Variants in FANCC observed in about 807,000 individuals in gnomAD.
FANCC encodes Fanconi anemia group C protein.
In FANCC, 55 loss-of-function variants were observed where a neutral mutation model predicts 71.3. That is an observed-to-expected ratio of 0.77 (90% CI 0.62 to 0.97). The LOEUF is 0.97. FANCC is among the 50% of genes least tolerant of loss of function. FANCC has a pLI of 0.00. For synonymous variants in FANCC, 275 were observed against 244.9 expected, an observed-to-expected ratio of 1.12 and a Z score of -1.15; for missense variants, 678 against 670.9, an observed-to-expected ratio of 1.01 and a Z score of -0.12.
At chr9:95,247,262 T>C (rs1044076083) in intron 3 of FANCC, among the ~76,000 whole-genome samples, 170 bp downstream of exon 3, 33 of 151,264 alleles carry the variant, frequency 2.2e-4, no homozygotes, top group Non-Finnish European at 5.9e-5. Flanking sequence ...TACACACACA[T>C]ACATGGACAA....
At chr9:95,135,666 T>C in intron 7 of FANCC, 164 bp from the exon 8 acceptor site, 1 of 633,538 alleles carries the variant, frequency 1.6e-6, no homozygotes, top group Non-Finnish European at 2.8e-6. Flanking sequence ...TACCAAGTGC[T>C]CATTTGCAAA....
At chr9:95,119,904 G>A (rs1030604029) in intron 10 of FANCC, among the ~76,000 whole-genome samples, 7 of 152,124 alleles carry the variant, frequency 4.6e-5, no homozygotes, top group Non-Finnish European at 8.8e-5. Flanking sequence ...TAGAAAAGGG[G>A]TCTTACTTTG....
chr9:95,254,905 C>T (rs1033112454), intron 1 of FANCC, among the ~76,000 whole-genome samples: 1 of 152,100 alleles, frequency 6.6e-6, no homozygotes, highest in Admixed American at 6.5e-5. Context: ...GGGGCGTCCC[C>T]CATTACTGAG....
chr9:95,204,364 A>C (rs1827987679), intron 4 of FANCC, among the ~76,000 whole-genome samples: 1 of 152,226 alleles, frequency 6.6e-6, no homozygotes, highest in Non-Finnish European at 1.5e-5. Context: ...TTAATTAGGC[A>C]TTGGTAACTG....
intron 7 of FANCC, among the ~76,000 whole-genome samples, chr9:95,136,500 A>G (rs1055875213): frequency 6.6e-5 from 10 of 152,212 alleles, no homozygotes; most frequent in African/African-American, 2.4e-4. Context: ...TTAAAAAAAA[A>G]AAAAGATGCA....
intron 1 of FANCC, among the ~76,000 whole-genome samples, chr9:95,273,486 A>C (rs1832854914): frequency 6.6e-6 from 1 of 152,236 alleles, no homozygotes; most frequent in Non-Finnish European, 1.5e-5. Flanking sequence ...GAAAAGGTTT[A>C]GCTGGTCCAA....
At chr9:95,287,430 A>T (rs906332180) in intron 1 of FANCC, among the ~76,000 whole-genome samples, 1 of 152,102 alleles carries the variant, frequency 6.6e-6, no homozygotes, top group Non-Finnish European at 1.5e-5. Context: ...TCTCTATCCA[A>T]CATCATCCAT....
At chr9:95,303,489 A>G (rs1834879571) in intron 1 of FANCC, among the ~76,000 whole-genome samples, 1 of 152,246 alleles carries the variant, frequency 6.6e-6, no homozygotes. Context: ...TTAGGCTGCC[A>G]TAACAAAATA....
At chr9:95,176,853 C>T (rs886512471) in intron 4 of FANCC, among the ~76,000 whole-genome samples, 3 of 152,172 alleles carry the variant, frequency 2.0e-5, no homozygotes, top group Admixed American at 2.0e-4. Flanking sequence ...TAAACAAAAC[C>T]ATGCCCAGGC....
chr9:95,271,800 C>A (rs1249686301), intron 1 of FANCC, among the ~76,000 whole-genome samples: 1 of 151,742 alleles, frequency 6.6e-6, no homozygotes, highest in Non-Finnish European at 1.5e-5. Flanking sequence ...TGTCAAAATC[C>A]CCAATGAAAA....
chr9:95,280,326 G>T (rs1407208312), intron 1 of FANCC, among the ~76,000 whole-genome samples: 1 of 152,034 alleles, frequency 6.6e-6, no homozygotes, highest in Non-Finnish European at 1.5e-5. Flanking sequence ...AATATTAATC[G>T]CTGGAGACTT....
chr9:95,128,186 G>A (rs969840138), intron 8 of FANCC, among the ~76,000 whole-genome samples: 1 of 152,114 alleles, frequency 6.6e-6, no homozygotes, highest in Non-Finnish European at 1.5e-5. Flanking sequence ...CCGGATATAA[G>A]CACGGAAAAT....
intron 4 of FANCC, among the ~76,000 whole-genome samples, chr9:95,238,730 T>C (rs1318396834): frequency 1.3e-5 from 2 of 152,096 alleles, no homozygotes; most frequent in Non-Finnish European, 2.9e-5. Context: ...CATTCCTGGC[T>C]AATTTTTTGT....
At chr9:95,216,409 T>G (rs929165461) in intron 4 of FANCC, among the ~76,000 whole-genome samples, 14 of 152,216 alleles carry the variant, frequency 9.2e-5, no homozygotes, top group African/African-American at 2.9e-4. Context: ...ACATCATCTC[T>G]TAGGAGATTG....
chr9:95,256,832 G>A (rs1167855443), intron 1 of FANCC, among the ~76,000 whole-genome samples: 1 of 152,048 alleles, frequency 6.6e-6, no homozygotes, highest in Admixed American at 6.5e-5. Context: ...ATAAATGGAT[G>A]GAGGAATATT....
chr9:95,307,251 A>C (rs1392497207), intron 1 of FANCC, among the ~76,000 whole-genome samples: 1 of 152,160 alleles, frequency 6.6e-6, no homozygotes, highest in African/African-American at 2.4e-5. Flanking sequence ...TCTATATGGA[A>C]ATAATTTGGA....
chr9:95,187,285 C>T (rs931514773), intron 4 of FANCC, among the ~76,000 whole-genome samples: 1 of 152,142 alleles, frequency 6.6e-6, no homozygotes, highest in African/African-American at 2.4e-5. Context: ...CTGAGAGCTG[C>T]GTAACCCCAG....
chr9:95,273,870 G>A (rs1376483299), intron 1 of FANCC, among the ~76,000 whole-genome samples: 1 of 152,168 alleles, frequency 6.6e-6, no homozygotes, highest in East Asian at 1.9e-4. Flanking sequence ...TCAAAACAGG[G>A]TGTAGCAAAG....
chr9:95,198,924 G>C (rs557547331), intron 4 of FANCC, among the ~76,000 whole-genome samples: 3 of 152,062 alleles, frequency 2.0e-5, no homozygotes, highest in African/African-American at 4.8e-5. Flanking sequence ...TTTTTTTGTA[G>C]AGCCAGGGTG....
Sources: allele counts gnomAD v4.1 joint callset (sites outside exome capture counted in the v4.1 genomes callset), GRCh38; gene constraint gnomAD v4.1.1; transcripts MANE v1.5; gene names NCBI Gene and HGNC (gene_info 2026-07-23, HGNC 2026-07-21).